The following RPL31 variants were observed in gnomAD, a reference collection of about 807,000 sequenced individuals.
RPL31 encodes the protein ribosomal protein L31.
For missense variants in RPL31, 95 were observed against 164.0 expected (o/e 0.58, Z 2.30); for synonymous variants, 51 against 55.0 (o/e 0.93, Z 0.32).
In RPL31 at chr2:101,006,332, C is replaced by CT. The variant is rs747785277; in HGVS notation, c.347-17dup. 12 of 1,607,062 alleles carry CT rather than the reference C, an allele frequency of 7.5e-6. No individual in the cohort carries two copies. The Admixed American group carries it at 1.2e-4, about 16-fold the overall frequency. On this transcript the variant is annotated splice_polypyrimidine_tract_variant and intron_variant, in intron 4 of 4. Transcript: ENST00000264258. ...AATGTGATGTGGGTATGGAAATTGA[C>CT]TGTTACTTCCTTTACAGATCTACAG...
chr2:101,015,569 A>G (rs1679566935), intron 4 of RPL31, among the ~76,000 whole-genome samples: 1 of 152,234 alleles, frequency 6.6e-6, no homozygotes, highest in South Asian at 2.1e-4. Context: ...TATTCTATAA[A>G]CATTTTTCTA....
chr2:101,018,150 A>G (rs1679791462), intron 4 of RPL31: 1 of 511,554 alleles, frequency 2.0e-6, no homozygotes, highest in African/African-American at 1.9e-5. Context: ...TCCCTCATTC[A>G]TACAGATATT....
intron 4 of RPL31, among the ~76,000 whole-genome samples, chr2:101,014,794 A>G (rs1679491198): frequency 6.6e-6 from 1 of 152,184 alleles, no homozygotes; most frequent in South Asian, 2.1e-4. Flanking sequence ...GAAAAGCCTG[A>G]CCAAAAAGTG....
At chr2:101,002,503 G>A (rs1037088560) in intron 1 of RPL31, 188 bp downstream of exon 1, 11 of 610,696 alleles carry the variant, frequency 1.8e-5, no homozygotes, top group Admixed American at 5.9e-5. Flanking sequence ...TAGGGGAGCC[G>A]GAGCGGCAGG....
exon 5 of RPL31, chr2:101,019,702 C>T (rs1679908339): frequency 6.6e-6 from 1 of 152,158 alleles, no homozygotes; most frequent in African/African-American, 2.4e-5. Context: ...ACAAATGCTT[C>T]TAATAAATCA....
downstream of RPL31, chr2:101,008,098 C>A: frequency 6.2e-7 from 1 of 1,613,796 alleles, no homozygotes; most frequent in Non-Finnish European, 8.5e-7. Context: ...AGCTGAAGCC[C>A]GCAGCTCCTC....
At chr2:101,011,614 AG>A (rs1376264519), downstream of RPL31, 1 of 1,485,814 alleles carries the variant, frequency 6.7e-7, no homozygotes, top group Non-Finnish European at 9.3e-7. Flanking sequence ...GTAGCTTTCT[AG>A]GCAACTAAAG....
In RPL31 at chr2:101,005,982, T is replaced by C; in HGVS notation, c.257T>C (p.Val86Ala). The part of the protein sequence containing the change: ...GIRNVPYRIR[V>A]RLSRKRNEDE... ...AGGAATGTGCCATACCGAATCCGTG[T>C]GCGGCTGTCCAGAAAACGTAATGAG... Residue 86 changes from valine (V) to alanine (A), a missense_variant, in exon 4 of 5, where the codon GTG (valine) becomes GCG (alanine). Transcript: ENST00000264258. 1 of 1,613,200 alleles carries C rather than the reference T, an allele frequency of 6.2e-7. No homozygotes were observed. Among genetic ancestry groups the C allele is most frequent in the Non-Finnish European group, 8.5e-7 (1 of 1,180,008 alleles).
At chr2:101,009,891 G>A (rs371951307), downstream of RPL31, among the ~76,000 whole-genome samples, 2,037 of 149,414 alleles carry the variant, frequency 0.014, 55 homozygotes, top group African/African-American at 0.048. Context: ...GTGCGATCTC[G>A]GCTCACTGCA....
chr2:101,018,946 T>C, intron 4 of RPL31: 6 of 1,597,430 alleles, frequency 3.8e-6, no homozygotes, highest in Non-Finnish European at 5.1e-6. Flanking sequence ...ATGCTCTTCG[T>C]CTGTGTGTTA....
rs762889141 is a variant in RPL31, at chr2:101,006,122, T to C, written c.346+51T>C. On this transcript the variant is annotated intron_variant, in intron 4 of 4. Transcript: ENST00000264258. ...TTTAAATTCATTAGAAAAATGTCCT[T>C]ACCTCTTAAAATGTGAATTCATCTG... 13 of 1,589,102 alleles carry C rather than the reference T, an allele frequency of 8.2e-6. No homozygotes were observed. The Admixed American group carries it at 2.0e-4, about 24-fold the overall frequency.
exon 5 of RPL31, chr2:101,019,025 C>A (rs1679861684): frequency 6.2e-7 from 1 of 1,612,178 alleles, no homozygotes; most frequent in Non-Finnish European, 8.5e-7. Context: ...GTTACAGTCG[C>A]CAAGAGCCCA....
intron 4 of RPL31, 28 bp downstream of exon 4, chr2:101,006,099 T>G (rs759477327): frequency 1.6e-5 from 25 of 1,604,752 alleles, no homozygotes; most frequent in Non-Finnish European, 2.1e-5. Flanking sequence ...TAAAGCCATT[T>G]AAATTCATTA....
At chr2:101,002,838 C>A in intron 2 of RPL31, 30 bp downstream of exon 2, 1 of 1,510,632 alleles carries the variant, frequency 6.6e-7, no homozygotes, top group Non-Finnish European at 9.2e-7. Context: ...CCCTGGGTCT[C>A]GAACTCACGC....
chr2:101,004,606 A>T, intron 3 of RPL31: 4 of 328,712 alleles, frequency 1.2e-5, no homozygotes, highest in East Asian at 4.8e-5. Flanking sequence ...CCAGTGGAGG[A>T]GGGAGGGGTG....
At position 101,006,754 on chromosome 2, in the gene RPL31, A is replaced by C. The variant is rs1222916161; in HGVS notation, c.*373A>C. ...AAAATGATATACTATCTATCTATCT[A>C]TCTGTAGCATCTTAAAGGTAATGAA... is the stretch of plus-strand genomic sequence containing the variant. On this transcript the variant is annotated 3_prime_UTR_variant, in exon 5 of 5. Transcript: ENST00000264258. 10 of 187,566 alleles carry C rather than the reference A, an allele frequency of 5.3e-5. No individual in the cohort carries two copies. In the South Asian group the frequency reaches 1.3e-3, roughly 24 times the overall value. The allele number at this position is 187,566 out of a possible 1,614,324, so 11.6% of individuals were successfully genotyped here. A position where few individuals can be genotyped will look rare whatever the true frequency, so the allele number is the denominator to read the frequency against.
At chr2:101,013,472 A>T (rs992841490) in intron 4 of RPL31, among the ~76,000 whole-genome samples, 3 of 152,222 alleles carry the variant, frequency 2.0e-5, no homozygotes, top group Non-Finnish European at 4.4e-5. Context: ...TTTCTATTAA[A>T]GTGTTCATTG....
chr2:101,002,738 G>A lies in RPL31; in HGVS notation c.37G>A (p.Gly13Ser). ...PAKKGGEKKK[G>S]RSAINEVVTR... The stretch of plus-strand genomic sequence containing the variant: ...AAAGAAGGGTGGCGAGAAGAAAAAG[G>A]GCCGTTCTGCCATCAACGAAGTGGT... Residue 13 changes from glycine (G) to serine (S), a missense_variant, in exon 2 of 5, where the codon GGC becomes AGC. By Grantham distance (56) the Gly-to-Ser change is moderately conservative. Transcript: ENST00000264258. The A allele has an allele frequency of 6.2e-7, 1 of 1,614,116 alleles. No individual in the cohort carries two copies. The highest frequency in any genetic ancestry group is 8.5e-7 in the Non-Finnish European group (1 of 1,180,010).
chr2:101,017,965 T>C lies in RPL31; in HGVS notation c.347-1033T>C, dbSNP rs1679776714. ...TTCTTCTCTACTTGGTGAAAAGTCA[T>C]TATAGAGGATTCGAACGGTTCCAAT... On this transcript the variant is annotated intron_variant, in intron 4 of 4. Coordinates refer to the RPL31 transcript ENST00000409028. 5 of 1,546,024 alleles carry C rather than the reference T, an allele frequency of 3.2e-6. No individual in the cohort carries two copies. The South Asian group carries it at 6.0e-5, about 18-fold the overall frequency.
Sources: allele counts gnomAD v4.1 joint callset (sites outside exome capture counted in the v4.1 genomes callset), GRCh38; gene constraint gnomAD v4.1.1; transcripts MANE v1.5; gene names NCBI Gene and HGNC (gene_info 2026-07-23, HGNC 2026-07-21).